The following UGCG variants were observed in gnomAD, a reference collection of about 807,000 sequenced individuals.
UGCG encodes ceramide glucosyltransferase.
In UGCG, 10 loss-of-function variants were observed where a neutral mutation model predicts 49.5. That is an observed-to-expected ratio of 0.20 (90% CI 0.12 to 0.34). The LOEUF is 0.34. UGCG is among the 10% of genes least tolerant of loss of function. The pLI is 1.00. For missense variants in UGCG, 312 were observed against 483.7 expected (o/e 0.65, Z 3.33); for synonymous variants, 182 against 158.2 (o/e 1.15, Z -1.13).
chr9:111,901,841 G>A (rs915818738), intron 1 of UGCG, among the ~76,000 whole-genome samples: 1 of 152,054 alleles, frequency 6.6e-6, no homozygotes, highest in African/African-American at 2.4e-5. Flanking sequence ...ATGTCTACTC[G>A]CTGGTATCTC....
chr9:111,911,977 TTCAACAGG>T (rs1838015603), intron 1 of UGCG, among the ~76,000 whole-genome samples: 8 of 130,198 alleles, frequency 6.1e-5, no homozygotes, highest in Non-Finnish European at 9.9e-5. Flanking sequence ...TATATATATA[TTCAACAGG>T]ATACATATAT....
intron 2 of UGCG, 185 bp downstream of exon 2, chr9:111,914,931 A>G: frequency 3.8e-6 from 3 of 791,970 alleles, no homozygotes; most frequent in Non-Finnish European, 5.5e-6. Context: ...GAAGGGGTGT[A>G]AATTCCCTTT....
chr9:111,920,365 T>C (rs950663481), intron 2 of UGCG, among the ~76,000 whole-genome samples: 3 of 152,220 alleles, frequency 2.0e-5, no homozygotes, highest in African/African-American at 7.2e-5. Flanking sequence ...ATTTCTTTTA[T>C]TTTTATTTTC....
chr9:111,923,231 C>T (rs1838258187), intron 3 of UGCG, among the ~76,000 whole-genome samples: 1 of 151,736 alleles, frequency 6.6e-6, no homozygotes, highest in Non-Finnish European at 1.5e-5. Context: ...AAATGTGTGG[C>T]CTTTTCTGTA....
At chr9:111,899,602 T>C (rs1199091385) in intron 1 of UGCG, among the ~76,000 whole-genome samples, 3 of 152,244 alleles carry the variant, frequency 2.0e-5, no homozygotes, top group Admixed American at 6.5e-5. Context: ...AAAGTGTGTG[T>C]GCATGTGTGT....
chr9:111,904,723 G>A (rs1837845733), intron 1 of UGCG, among the ~76,000 whole-genome samples: 2 of 152,104 alleles, frequency 1.3e-5, no homozygotes, highest in Admixed American at 6.5e-5. Flanking sequence ...TTAGCCGGGT[G>A]TGGTGGTGCT....
At chr9:111,922,979 T>G (rs1186802323) in intron 3 of UGCG, 28 bp downstream of exon 3, 1 of 1,418,384 alleles carries the variant, frequency 7.1e-7, no homozygotes, top group East Asian at 2.3e-5. Flanking sequence ...TAGTAACCAT[T>G]TTCCATTGAT....
intron 1 of UGCG, among the ~76,000 whole-genome samples, chr9:111,898,936 T>G (rs140246512): frequency 3.3e-4 from 51 of 152,372 alleles, no homozygotes; most frequent in African/African-American, 1.2e-3. Context: ...CAAGGCACTG[T>G]TCTAGTTGCT....
chr9:111,929,432 A>T, intron 5 of UGCG, 68 bp from the exon 6 acceptor site: 1 of 1,508,982 alleles, frequency 6.6e-7, no homozygotes, highest in African/African-American at 1.4e-5. Flanking sequence ...CATTGGGAAA[A>T]ACAGTTCGTG....
intron 4 of UGCG, 130 bp downstream of exon 4, chr9:111,925,008 G>T: frequency 2.5e-6 from 1 of 396,576 alleles, no homozygotes; most frequent in Non-Finnish European, 4.2e-6. Context: ...ATCATTTCAT[G>T]GTAATATGTC....
chr9:111,932,243 A>G lies in UGCG; in HGVS notation c.898A>G (p.Ser300Gly). 2 of 1,614,134 alleles carry G rather than the reference A, an allele frequency of 1.2e-6. No homozygotes were observed. The highest frequency in any genetic ancestry group is 1.7e-6 in the Non-Finnish European group (2 of 1,180,002). The change falls in exon 8 of 9, where the codon AGT becomes GGT. Residue 300 changes from serine to glycine, a missense_variant. By Grantham distance (56) the Ser-to-Gly change is moderately conservative (BLOSUM62 0). Around this residue, in one of 4 missense-constraint regions of UGCG, gnomAD observed 180 missense variants for 320.4 expected, o/e 0.56. Coordinates refer to ENST00000374279, the MANE Select transcript of UGCG (RefSeq NM_003358.3). ...CEPISECFVA[S>G]LIIGWAAHHV... ...GCCAATTTCAGAATGCTTTGTTGCC[A>G]GTTTAATTATTGGATGGGCAGCCCA...
At chr9:111,916,582 A>G (rs1205937268) in intron 2 of UGCG, among the ~76,000 whole-genome samples, 1 of 151,528 alleles carries the variant, frequency 6.6e-6, no homozygotes, top group East Asian at 2.0e-4. Flanking sequence ...CAGTCCTCCC[A>G]CCTCACCCTC....
intron 1 of UGCG, among the ~76,000 whole-genome samples, chr9:111,898,132 G>T (rs1837699949): frequency 6.6e-6 from 1 of 151,700 alleles, no homozygotes; most frequent in Non-Finnish European, 1.5e-5. Context: ...GACGAAGCGT[G>T]TAAGTAAAAT....
chr9:111,926,357 CCT>C (rs568796619), intron 4 of UGCG, 25 bp from the exon 5 acceptor site: 544 of 1,540,314 alleles, frequency 3.5e-4, no homozygotes, highest in African/African-American at 1.2e-3. Flanking sequence ...CTTTTCTCCC[CCT>C]CTCTGCCTTT....
chr9:111,921,802 ATTTTTTTT>A (rs71373800), intron 2 of UGCG, among the ~76,000 whole-genome samples: 61 of 55,532 alleles, frequency 1.1e-3, no homozygotes, highest in African/African-American at 3.5e-3. Context: ...CCCCAGGGTG[ATTTTTTTT>A]TTTTTTTTTT....
rs1262709954 is a variant in UGCG at position 111,934,630 on chromosome 9, A to T, written c.*1633A>T. The T allele has an allele frequency of 6.6e-6, 1 of 152,084 alleles. No homozygotes were observed. Among genetic ancestry groups the T allele is most frequent in the Non-Finnish European group, 1.5e-5 (1 of 68,014 alleles). 9.4% of individuals were successfully genotyped at this position (152,084 alleles called of 1,614,324 possible). A position where few individuals can be genotyped will look rare whatever the true frequency, so the allele number is the denominator to read the frequency against. ...ATTCATTTAATTGTCAAATGTCTATATCCATGGTTTAAATGGCAACATATC... is the reference window on the plus strand; with the variant it reads ...ATTCATTTAATTGTCAAATGTCTATTTCCATGGTTTAAATGGCAACATATC... On this transcript the variant is annotated 3_prime_UTR_variant, in exon 9 of 9. Transcript: ENST00000374279.
intron 1 of UGCG, among the ~76,000 whole-genome samples, chr9:111,898,772 G>C (rs1305312604): frequency 6.6e-6 from 1 of 152,088 alleles, no homozygotes; most frequent in Non-Finnish European, 1.5e-5. Flanking sequence ...TTAACCTTTT[G>C]TGACTATCCT....
intron 1 of UGCG, among the ~76,000 whole-genome samples, chr9:111,908,072 T>G (rs1171986952): frequency 6.6e-6 from 1 of 151,978 alleles, no homozygotes; most frequent in East Asian, 1.9e-4. Context: ...TTTCTTCATC[T>G]TGTCCAAAAG....
At chr9:111,912,898 T>TGTGTGTGC (rs1194697220) in intron 1 of UGCG, among the ~76,000 whole-genome samples, 1 of 152,072 alleles carries the variant, frequency 6.6e-6, no homozygotes, top group Non-Finnish European at 1.5e-5. Context: ...GGTGTGTGTG[T>TGTGTGTGC]GTGTGTGCGT....
Sources: gnomAD v4.1 joint callset for allele counts (sites outside exome capture counted in the v4.1 genomes callset) on GRCh38, gnomAD v4.1.1 for gene constraint, gnomAD v4.1.1 regional missense constraint, MANE v1.5 for transcripts, NCBI Gene and HGNC (gene_info 2026-07-23, HGNC 2026-07-21) for gene names.